The following CPEB4 variants were observed in gnomAD, a reference collection of about 807,000 sequenced individuals.
CPEB4 encodes cytoplasmic polyadenylation element binding protein 4, also known as cytoplasmic polyadenylation element-binding protein 4.
In CPEB4, 12 loss-of-function variants were observed where a neutral mutation model predicts 72.5. The observed-to-expected ratio is 0.17, with a 90% CI of 0.11 to 0.27. The LOEUF (loss-of-function observed/expected upper bound fraction) is 0.27. Ranked by LOEUF, CPEB4 falls within the 10% of genes least tolerant of loss-of-function variation. CPEB4 has a pLI of 1.00. For missense variants in CPEB4, 614 were observed against 908.5 expected (o/e 0.68, Z 4.17); for synonymous variants, 302 against 326.3 (o/e 0.93, Z 0.80).
chr5:173,901,213 C>T (rs1756219876), intron 1 of CPEB4, among the ~76,000 whole-genome samples: 1 of 152,172 alleles, frequency 6.6e-6, no homozygotes, highest in Non-Finnish European at 1.5e-5. Context: ...AAAAAATGTT[C>T]TCAGAGGCTT....
rs1327658533 is a variant in CPEB4, at chr5:173,949,508, A to G, written c.1457A>G (p.Asp486Gly). ...ACTGTTTTCCTTTGTTGTTTATTAG[A>G]TGAGATCACAGCTAGTTTTCGTCGC... ...VGGLPPDIDE[D>G]EITASFRRFG... Residue 486 changes from aspartate (D) to glycine (G), a missense_variant and splice_region_variant, in exon 6 of 10, where the codon GAT becomes GGT. Physicochemically the swap from Asp to Gly is moderately conservative, Grantham distance 94. Transcript: ENST00000265085. 6.2e-7 allele frequency: 1 copy of G among 1,604,926 alleles called. No individual in the cohort carries two copies. Among genetic ancestry groups the G allele is most frequent in the Admixed American group, 1.7e-5 (1 of 59,608 alleles).
intron 3 of CPEB4, among the ~76,000 whole-genome samples, chr5:173,940,734 C>G (rs1238618145): frequency 1.3e-5 from 2 of 152,058 alleles, no homozygotes; most frequent in East Asian, 3.8e-4. Flanking sequence ...TTTGCATGTT[C>G]CAGAATGTCA....
chr5:173,900,646 A>G lies in CPEB4; in HGVS notation c.1125+9788A>G, dbSNP rs1322816196. 1.3e-5 allele frequency among the ~76,000 whole-genome samples: 2 copies of G among 152,246 alleles called. No homozygotes were observed. The highest frequency in any genetic ancestry group is 4.8e-5 in the African/African-American group (2 of 41,460). Reference sequence around the variant, plus strand: ...GATAGTTTTGGGGTCATAGGTTTGAACATATTTTGATTATCTCTATGAAAA... The same window carrying G: ...GATAGTTTTGGGGTCATAGGTTTGAGCATATTTTGATTATCTCTATGAAAA... On this transcript the variant is annotated intron_variant, in intron 1 of 9. Coordinates refer to ENST00000265085, the MANE Select transcript of CPEB4 (RefSeq NM_030627.4). The surrounding 1 kb of genome is among the most constrained non-coding windows in gnomAD (Gnocchi z 4.4).
chr5:173,932,856 A>G (rs1225622241), intron 3 of CPEB4, among the ~76,000 whole-genome samples: 1 of 152,238 alleles, frequency 6.6e-6, no homozygotes, highest in Non-Finnish European at 1.5e-5. Context: ...GGAAAGGATA[A>G]GCAGAGATCT....
At position 173,889,875 on chromosome 5, in the gene CPEB4, A is replaced by T. The variant is rs1755740727; in HGVS notation, c.142A>T (p.Asn48Tyr). The T allele has an allele frequency of 6.2e-7, 1 of 1,614,174 alleles. No individual in the cohort carries two copies. Among genetic ancestry groups the T allele is most frequent in the East Asian group, 2.2e-5 (1 of 44,892 alleles). Residue 48 changes from asparagine (N) to tyrosine (Y), a missense_variant, in exon 1 of 10, where the codon AAC becomes TAC. By Grantham distance (143) the Asn-to-Tyr change is moderately radical. Coordinates refer to ENST00000265085, the MANE Select transcript of CPEB4 (RefSeq NM_030627.4). ...CAGCCCTGCTGCTTTTATAAATAATAACACAGCTGCCAATGGCAGCAGTGC... is the reference window on the plus strand; with the variant it reads ...CAGCCCTGCTGCTTTTATAAATAATTACACAGCTGCCAATGGCAGCAGTGC... ...TPSPAAFINN[N>Y]TAANGSSAGS...
intron 8 of CPEB4, 96 bp from the exon 9 acceptor site, chr5:173,952,995 G>A (rs1758260633): frequency 1.1e-6 from 1 of 886,128 alleles, no homozygotes; most frequent in Non-Finnish European, 1.7e-6. Flanking sequence ...AATGATGTGA[G>A]CTCAGAGTAC....
At chr5:173,922,465 A>G (rs1329465443) in intron 2 of CPEB4, among the ~76,000 whole-genome samples, 1 of 152,188 alleles carries the variant, frequency 6.6e-6, no homozygotes, top group Admixed American at 6.5e-5. Context: ...TCCTGGGCTC[A>G]AGCAATTCAC....
rs1322535044 is a variant in CPEB4 at position 173,953,245 on chromosome 5, G to T, written c.1935G>T (p.Gln645His). 6.2e-7 allele frequency: 1 copy of T among 1,606,472 alleles called. No homozygotes were observed. The change falls in exon 9 of 10, where the codon CAG becomes CAT. Residue 645 changes from glutamine (Q) to histidine (H), a missense_variant. Physicochemically the swap from Gln to His is conservative, Grantham distance 24 (BLOSUM62 0). Coordinates refer to ENST00000265085, the MANE Select transcript of CPEB4 (RefSeq NM_030627.4). The part of the protein sequence containing the change: ...YIAAISARFV[Q>H]LQHGEIDKRV... ...CTGCTATCAGTGCCCGCTTTGTTCA[G>T]CTGCAGCATGGAGAGATAGATAAAC...
In CPEB4 at chr5:173,948,604, C is replaced by A. The variant is rs1758115259; in HGVS notation, c.1457-904C>A. 2.0e-5 allele frequency among the ~76,000 whole-genome samples: 3 copies of A among 152,134 alleles called. No homozygotes were observed. The South Asian group carries it at 6.2e-4, about 32-fold the overall frequency. On this transcript the variant is annotated intron_variant, in intron 5 of 9. Transcript: ENST00000265085. ...ATGATTCTGCTCATAGGAGGGAGAG[C>A]ACAGACCCAGGTTGAGGGTCACTAT...
In CPEB4 at chr5:173,961,549, C is replaced by G. The variant is rs999927600; in HGVS notation, c.*5412C>G. 2 of 152,068 alleles carry G rather than the reference C, an allele frequency of 1.3e-5. No individual in the cohort carries two copies. Among genetic ancestry groups the G allele is most frequent in the Non-Finnish European group, 2.9e-5 (2 of 68,012 alleles). 9.4% of individuals were successfully genotyped at this position (152,068 alleles called of 1,614,324 possible). A position where few individuals can be genotyped will look rare whatever the true frequency, so the allele number is the denominator to read the frequency against. On this transcript the variant is annotated 3_prime_UTR_variant, in exon 10 of 10. Coordinates refer to ENST00000265085, the MANE Select transcript of CPEB4 (RefSeq NM_030627.4). ...TCACTGATTGCCTAAACCTACCCAA[C>G]GAGGAAAATTCTTTTTATTTTTATC...
intron 3 of CPEB4, among the ~76,000 whole-genome samples, chr5:173,936,924 G>T: frequency 6.8e-6 from 1 of 147,440 alleles, no homozygotes; most frequent in Admixed American, 6.8e-5. Context: ...AAAAAAACGT[G>T]TTAAGTTTTA....
At position 173,900,952 on chromosome 5, in the gene CPEB4, T is replaced by C. The variant is rs978908317; in HGVS notation, c.1126-9571T>C. Among the ~76,000 whole-genome samples the C allele has an allele frequency of 6.6e-6, 1 of 152,226 alleles. No homozygotes were observed. Among genetic ancestry groups the C allele is most frequent in the African/African-American group, 2.4e-5 (1 of 41,448 alleles). On this transcript the variant is annotated intron_variant, in intron 1 of 9. Coordinates refer to ENST00000265085, the MANE Select transcript of CPEB4 (RefSeq NM_030627.4). The surrounding 1 kb of genome is among the most constrained non-coding windows in gnomAD (Gnocchi z 4.4). ...CAGCATCAAGATCACTTGCTTAGTA[T>C]GTTTGATACTTAGTATCACAAGTAT... is the stretch of plus-strand genomic sequence containing the variant.
At chr5:173,949,834 TA>T in intron 6 of CPEB4, 125 bp from the exon 7 acceptor site, 1 of 776,162 alleles carries the variant, frequency 1.3e-6, no homozygotes, top group Non-Finnish European at 2.2e-6. Context: ...ACTTTTGGTA[TA>T]AATATTGTTT....
chr5:173,942,490 T>G (rs1206942997), intron 3 of CPEB4, among the ~76,000 whole-genome samples: 1 of 152,256 alleles, frequency 6.6e-6, no homozygotes, highest in African/African-American at 2.4e-5. Context: ...AAGACTTGAT[T>G]AGGCATAGGG....
At chr5:173,953,754 C>T (rs1033182635) in intron 9 of CPEB4, among the ~76,000 whole-genome samples, 6 of 151,146 alleles carry the variant, frequency 4.0e-5, no homozygotes, top group South Asian at 2.1e-4. Context: ...TTTCCACAGC[C>T]GCCACCTCTC....
intron 3 of CPEB4, among the ~76,000 whole-genome samples, chr5:173,937,803 T>G (rs1757683339): frequency 6.6e-6 from 1 of 152,236 alleles, no homozygotes; most frequent in Admixed American, 6.5e-5. Context: ...AGTTGCATTC[T>G]CTGCTCTTTT....
At chr5:173,949,357 A>G in intron 5 of CPEB4, 151 bp from the exon 6 acceptor site, 2 of 577,304 alleles carry the variant, frequency 3.5e-6, no homozygotes, top group Non-Finnish European at 6.1e-6. Flanking sequence ...CAGATGTGCA[A>G]ATTATTAACA....
intron 8 of CPEB4, 148 bp downstream of exon 8, chr5:173,952,086 A>G: frequency 3.3e-6 from 2 of 609,762 alleles, no homozygotes; most frequent in Admixed American, 2.6e-5. Flanking sequence ...ATGTGTTCTA[A>G]TAGTTAAGTG....
chr5:173,914,158 A>G (rs775104481), intron 2 of CPEB4, among the ~76,000 whole-genome samples: 7 of 152,204 alleles, frequency 4.6e-5, no homozygotes, highest in Non-Finnish European at 1.0e-4. Flanking sequence ...AAACAAGACC[A>G]TGACCTTTGT....
Sources: allele counts gnomAD v4.1 joint callset (sites outside exome capture counted in the v4.1 genomes callset), GRCh38; gene constraint gnomAD v4.1.1; non-coding constraint Gnocchi (gnomAD v3.1); transcripts MANE v1.5; gene names NCBI Gene and HGNC (gene_info 2026-07-23, HGNC 2026-07-21).